CSMD1: variants seen among roughly 807,000 people sequenced by gnomAD.
CSMD1 encodes CUB and sushi domain-containing protein 1.
In CSMD1, 213 loss-of-function variants were observed where a neutral mutation model predicts 417.5. The ratio of observed to expected loss-of-function variants is 0.51; its 90% CI spans 0.46 to 0.57. CSMD1 has a LOEUF of 0.57. CSMD1 is among the 20% of genes least tolerant of loss of function. The pLI is 0.00. For missense variants in CSMD1, 6,923 were observed against 4,529.7 expected (o/e 1.53, Z -15.17); for synonymous variants, 2,862 against 1,736.8 (o/e 1.65, Z -16.11).
At chr8:4,132,920 G>T (rs977318852) in intron 3 of CSMD1, among the ~76,000 whole-genome samples, 1 of 151,980 alleles carries the variant, frequency 6.6e-6, no homozygotes, top group African/African-American at 2.4e-5. Flanking sequence ...TGAAGACTAT[G>T]GTAAAAGTCA....
At chr8:4,709,124 C>G (rs1278894997) in intron 1 of CSMD1, among the ~76,000 whole-genome samples, 1 of 152,206 alleles carries the variant, frequency 6.6e-6, no homozygotes, top group East Asian at 1.9e-4. Flanking sequence ...ATGTCTTACT[C>G]TAATCACATG....
At chr8:4,931,709 T>C (rs1347224648) in intron 1 of CSMD1, among the ~76,000 whole-genome samples, 1 of 152,222 alleles carries the variant, frequency 6.6e-6, no homozygotes, top group African/African-American at 2.4e-5. Context: ...CAGGATTGAA[T>C]TATTGAGCTG....
intron 3 of CSMD1, among the ~76,000 whole-genome samples, chr8:4,352,120 T>C (rs912490093): frequency 6.6e-6 from 1 of 152,122 alleles, no homozygotes; most frequent in South Asian, 2.1e-4. Flanking sequence ...GAGAATGAGG[T>C]GGACTGGCCT....
chr8:3,691,595 T>G (rs1034398446), intron 7 of CSMD1, among the ~76,000 whole-genome samples: 3 of 152,176 alleles, frequency 2.0e-5, no homozygotes, highest in Non-Finnish European at 4.4e-5. Flanking sequence ...AACCTTTGGC[T>G]TCTATCCTAT....
intron 2 of CSMD1, among the ~76,000 whole-genome samples, chr8:4,539,940 C>T (rs1797296483): frequency 3.3e-5 from 5 of 152,138 alleles, no homozygotes; most frequent in Admixed American, 3.3e-4. Context: ...CCATCTACCC[C>T]AGCCCAAACT....
At chr8:4,344,176 A>G (rs1350652933) in intron 3 of CSMD1, among the ~76,000 whole-genome samples, 1 of 151,986 alleles carries the variant, frequency 6.6e-6, no homozygotes, top group Non-Finnish European at 1.5e-5. Flanking sequence ...TTTTTCATAT[A>G]TTTTCAGATT....
At chr8:4,294,643 T>A (rs928519377) in intron 3 of CSMD1, among the ~76,000 whole-genome samples, 10 of 152,156 alleles carry the variant, frequency 6.6e-5, no homozygotes, top group African/African-American at 2.4e-4. Context: ...GATAGAAAGT[T>A]ATATTCATGT....
At chr8:4,443,742 C>G (rs182091555) in intron 2 of CSMD1, among the ~76,000 whole-genome samples, 2 of 152,264 alleles carry the variant, frequency 1.3e-5, no homozygotes, top group Admixed American at 6.5e-5. Context: ...AAAATATGAA[C>G]AGTTTTATCA....
chr8:4,342,633 C>G (rs1318089032), intron 3 of CSMD1, among the ~76,000 whole-genome samples: 1 of 152,066 alleles, frequency 6.6e-6, no homozygotes, highest in Non-Finnish European at 1.5e-5. Context: ...TGCAGACATT[C>G]TTTATTTATT....
intron 49 of CSMD1, among the ~76,000 whole-genome samples, chr8:3,086,018 T>A (rs923914926): frequency 6.6e-6 from 1 of 152,142 alleles, no homozygotes; most frequent in African/African-American, 2.4e-5. Flanking sequence ...CCGTTTGGGC[T>A]GTGGTTCTGT....
At chr8:3,566,099 G>A (rs770602263) in intron 10 of CSMD1, among the ~76,000 whole-genome samples, 1 of 152,074 alleles carries the variant, frequency 6.6e-6, no homozygotes, top group African/African-American at 2.4e-5. Context: ...AACAGAAAGG[G>A]AAGGAGGCGG....
intron 26 of CSMD1, among the ~76,000 whole-genome samples, chr8:3,267,611 G>A (rs975204086): frequency 2.6e-5 from 4 of 152,194 alleles, no homozygotes; most frequent in Admixed American, 1.3e-4. Context: ...CATCGCTGCT[G>A]ATAGGAAAGA....
rs553084391 is a variant in CSMD1 at position 4,421,234 on chromosome 8, T to A, written c.303-1169A>T. On this transcript the variant is annotated intron_variant, in intron 2 of 69. Coordinates refer to ENST00000635120, the MANE Select transcript of CSMD1 (RefSeq NM_033225.6). ...ACAAGTCAGTGAAGCAAACGTTGCT[T>A]TAAGAAAGGAAAAACAAAAAACAAA... Among the ~76,000 whole-genome samples the A allele has an allele frequency of 5.7e-4, 87 of 152,190 alleles. 1 individual carries two copies. Among genetic ancestry groups the A allele is most frequent in the African/African-American group, 2.1e-3 (87 of 41,528 alleles).
intron 3 of CSMD1, among the ~76,000 whole-genome samples, chr8:4,059,147 A>G (rs574935072): frequency 7.2e-5 from 11 of 152,318 alleles, no homozygotes; most frequent in African/African-American, 2.2e-4. Context: ...CTCACTCAGA[A>G]CCGCTTAACT....
At chr8:3,287,691 G>A (rs1803261837) in intron 25 of CSMD1, among the ~76,000 whole-genome samples, 1 of 152,158 alleles carries the variant, frequency 6.6e-6, no homozygotes. Flanking sequence ...ATCAGCTTAA[G>A]GAGATTTGGG....
At position 4,808,659 on chromosome 8, in the gene CSMD1, C is replaced by T. The variant is rs114703470; in HGVS notation, c.86-171101G>A. Among the ~76,000 whole-genome samples, 261 of 152,262 alleles carry T rather than the reference C, an allele frequency of 1.7e-3. 2 individuals carry two copies. Among genetic ancestry groups the T allele is most frequent in the African/African-American group, 6.0e-3 (250 of 41,540 alleles). Reference sequence around the variant, plus strand: ...ATCATACCAACAGCCTTTGGACAATCGGTTTCAACCATTTAGAACATACTG... The same window carrying T: ...ATCATACCAACAGCCTTTGGACAATTGGTTTCAACCATTTAGAACATACTG... On this transcript the variant is annotated intron_variant, in intron 1 of 69. Transcript: ENST00000635120.
intron 1 of CSMD1, among the ~76,000 whole-genome samples, chr8:4,703,579 A>G (rs1335963154): frequency 6.6e-6 from 1 of 152,216 alleles, no homozygotes; most frequent in Non-Finnish European, 1.5e-5. Flanking sequence ...ATGAAAAGTA[A>G]TGAAAACACT....
chr8:4,016,900 A>G (rs776783688), intron 4 of CSMD1, among the ~76,000 whole-genome samples: 1 of 152,206 alleles, frequency 6.6e-6, no homozygotes, highest in African/African-American at 2.4e-5. Context: ...GAAAAACACA[A>G]TCCCAAATGC....
chr8:4,569,430 G>C (rs1169213152), intron 2 of CSMD1, among the ~76,000 whole-genome samples: 2 of 152,098 alleles, frequency 1.3e-5, no homozygotes, highest in African/African-American at 4.8e-5. Flanking sequence ...TTTTTGTCAG[G>C]TTTGTCAAAC....
Sources: allele counts gnomAD v4.1 joint callset (sites outside exome capture counted in the v4.1 genomes callset), GRCh38; gene constraint gnomAD v4.1.1; transcripts MANE v1.5; gene names NCBI Gene and HGNC (gene_info 2026-07-23, HGNC 2026-07-21).